The following KCNJ3 variants were observed in gnomAD, a reference collection of about 807,000 sequenced individuals.
The protein encoded by KCNJ3 is G protein-activated inward rectifier potassium channel 1.
A neutral mutation model predicts 39.2 loss-of-function variants in KCNJ3; 4 were observed. That is an observed-to-expected ratio of 0.10 (90% CI 0.05 to 0.23). KCNJ3 has a LOEUF of 0.23. KCNJ3 is among the 10% of genes least tolerant of loss of function. The pLI is 1.00. For synonymous variants in KCNJ3, 230 were observed against 237.4 expected (o/e 0.97, Z 0.29); for missense variants, 276 against 634.9 (o/e 0.43, Z 6.08).
chr2:154,744,603 A>G (rs1283417227), intron 2 of KCNJ3, among the ~76,000 whole-genome samples: 1 of 151,792 alleles, frequency 6.6e-6, no homozygotes, highest in Non-Finnish European at 1.5e-5. Flanking sequence ...TCAAACTTAT[A>G]TATGTAGAGT....
chr2:154,818,918 C>CTTTTTTTTTTTTTTTTTTTTTTT (rs57668487), intron 2 of KCNJ3, among the ~76,000 whole-genome samples: 8 of 52,436 alleles, frequency 1.5e-4, no homozygotes, highest in East Asian at 8.2e-4. Flanking sequence ...CTGCAAAAGC[C>CTTTTTTTTTTTTTTTTTTTTTTT]TTTTTTTTTT....
intron 2 of KCNJ3, among the ~76,000 whole-genome samples, chr2:154,771,955 T>C (rs1686250135): frequency 6.6e-6 from 1 of 152,196 alleles, no homozygotes; most frequent in Non-Finnish European, 1.5e-5. Flanking sequence ...AGTAATATGC[T>C]AGCTTGAATT....
At chr2:154,797,494 T>G (rs1457686899) in intron 2 of KCNJ3, among the ~76,000 whole-genome samples, 2 of 152,168 alleles carry the variant, frequency 1.3e-5, no homozygotes, top group Non-Finnish European at 2.9e-5. Context: ...TGGTATCTGA[T>G]GATTTTAGCC....
rs1397285332 is a variant in KCNJ3 at position 154,857,933 on chromosome 2, A to AAAACAGG, written c.*2621_*2627dup. ...AAAAAAAAAAAAAAAAAAAAGAATA[A>AAAACAGG]AAACAGGGTAACATAATGCAAAGTA... On this transcript the variant is annotated 3_prime_UTR_variant, in exon 3 of 3. Transcript: ENST00000295101. 3.1e-5 allele frequency: 4 copies of AAAACAGG among 129,740 alleles called. No homozygotes were observed. The highest frequency in any genetic ancestry group is 6.6e-5 in the Non-Finnish European group (4 of 60,680). The allele number at this position is 129,740 out of a possible 1,614,324, so 8.0% of individuals were successfully genotyped here. A position where few individuals can be genotyped will look rare whatever the true frequency, so the allele number is the denominator to read the frequency against.
At chr2:154,741,526 G>A (rs1231709825) in intron 2 of KCNJ3, among the ~76,000 whole-genome samples, 2 of 151,562 alleles carry the variant, frequency 1.3e-5, no homozygotes, top group African/African-American at 4.8e-5. Flanking sequence ...AGAATCAAAT[G>A]TTTTATTGTT....
intron 2 of KCNJ3, among the ~76,000 whole-genome samples, chr2:154,712,857 A>G (rs1251852791): frequency 6.6e-6 from 1 of 152,118 alleles, no homozygotes; most frequent in East Asian, 1.9e-4. Flanking sequence ...TTTTAGGCTA[A>G]TAGGGAAGGT....
In KCNJ3 at chr2:154,737,884, T is replaced by G. The variant is rs373565106; in HGVS notation, c.919+28065T>G. Among the ~76,000 whole-genome samples, 144 of 152,192 alleles carry G rather than the reference T, an allele frequency of 9.5e-4. 1 individual carries two copies. The South Asian group carries it at 0.029, about 31-fold the overall frequency. On this transcript the variant is annotated intron_variant, in intron 2 of 2. Transcript: ENST00000295101. ...CAAATTTTCCAAATTTAATGAAAAC[T>G]AAAACTCCATGTACATATGTATTCA... is the stretch of plus-strand genomic sequence containing the variant.
chr2:154,778,205 T>C (rs546010049), intron 2 of KCNJ3, among the ~76,000 whole-genome samples: 1 of 152,302 alleles, frequency 6.6e-6, no homozygotes, highest in African/African-American at 2.4e-5. Context: ...AAATGCTTAT[T>C]TGTAGTTTCA....
chr2:154,738,814 T>C (rs917334117), intron 2 of KCNJ3, among the ~76,000 whole-genome samples: 1 of 151,160 alleles, frequency 6.6e-6, no homozygotes. Context: ...AATTAAGCAA[T>C]TTTTTTTTCA....
chr2:154,839,997 A>G (rs1421193437), intron 2 of KCNJ3, among the ~76,000 whole-genome samples: 3 of 152,140 alleles, frequency 2.0e-5, no homozygotes, highest in African/African-American at 4.8e-5. Context: ...TGTTTTAGTC[A>G]TTAAGTTCTT....
intron 2 of KCNJ3, among the ~76,000 whole-genome samples, chr2:154,820,433 G>A (rs1276838010): frequency 6.6e-6 from 1 of 152,210 alleles, no homozygotes; most frequent in Non-Finnish European, 1.5e-5. Flanking sequence ...CAAAGGTGAT[G>A]CTGTGTACTT....
rs1687820612 is a variant in KCNJ3 at position 154,855,456 on chromosome 2, G to A, written c.*143G>A. ...TATTTGAGAACCCTTCCTTTCCCAA[G>A]TATTGCGAATGTGCAGAAAGCAACA... is the stretch of plus-strand genomic sequence containing the variant. On this transcript the variant is annotated 3_prime_UTR_variant, in exon 3 of 3. Transcript: ENST00000295101. 1.6e-6 allele frequency: 1 copy of A among 633,310 alleles called. No homozygotes were observed. Among genetic ancestry groups the A allele is most frequent in the South Asian group, 2.2e-5 (1 of 44,768 alleles). 39.2% of individuals were successfully genotyped at this position (633,310 alleles called of 1,614,324 possible).
chr2:154,792,715 C>T (rs1406866133), intron 2 of KCNJ3, among the ~76,000 whole-genome samples: 2 of 152,094 alleles, frequency 1.3e-5, no homozygotes, highest in East Asian at 1.9e-4. Context: ...TCTATGGCCT[C>T]ACAGAATGGT....
In KCNJ3 at chr2:154,850,008, CTTTTTTTTTTTTTTTTTTTTT is replaced by C. The variant is rs373062062; in HGVS notation, c.920-4703_920-4683del. 3.1e-4 allele frequency among the ~76,000 whole-genome samples: 15 copies of C among 48,860 alleles called. 2 individuals are homozygous for C. The East Asian group carries it at 7.5e-3, about 25-fold the overall frequency. 32.1% of individuals were successfully genotyped at this position (48,860 alleles called of 152,430 possible). The stretch of plus-strand genomic sequence containing the variant: ...TTGCAATGCAATGTACAGAATAAAT[CTTTTTTTTTTTTTTTTTTTTT>C]TTTTTTTTTTTTTTTACAAAATGTT... On this transcript the variant is annotated intron_variant, in intron 2 of 2. Coordinates refer to ENST00000295101, the MANE Select transcript of KCNJ3 (RefSeq NM_002239.4).
intron 2 of KCNJ3, among the ~76,000 whole-genome samples, chr2:154,781,613 C>T (rs1482356834): frequency 6.6e-6 from 1 of 152,024 alleles, no homozygotes; most frequent in East Asian, 1.9e-4. Context: ...GAAATGATGG[C>T]AGAATTTAAT....
At chr2:154,852,421 G>A (rs1687772058) in intron 2 of KCNJ3, among the ~76,000 whole-genome samples, 2 of 152,040 alleles carry the variant, frequency 1.3e-5, no homozygotes, top group Non-Finnish European at 2.9e-5. Flanking sequence ...AAAAAAGATA[G>A]ATTGTAAGGC....
rs1371020496 is a variant in KCNJ3, at chr2:154,857,547, A to G, written c.*2234A>G. The G allele has an allele frequency of 6.6e-6, 1 of 152,174 alleles. No homozygotes were observed. The highest frequency in any genetic ancestry group is 1.5e-5 in the Non-Finnish European group (1 of 68,092). 9.4% of individuals were successfully genotyped at this position (152,174 alleles called of 1,614,324 possible). Reference sequence around the variant, plus strand: ...AAGGAGAGTGGGGAGGAGACAAAAAACAAATAAGACCACTTCAGACAATCA... The same window carrying G: ...AAGGAGAGTGGGGAGGAGACAAAAAGCAAATAAGACCACTTCAGACAATCA... On this transcript the variant is annotated 3_prime_UTR_variant, in exon 3 of 3. Coordinates refer to ENST00000295101, the MANE Select transcript of KCNJ3 (RefSeq NM_002239.4).
chr2:154,749,718 G>A (rs1215857656), intron 2 of KCNJ3, among the ~76,000 whole-genome samples: 3 of 151,936 alleles, frequency 2.0e-5, no homozygotes, highest in Admixed American at 6.6e-5. Flanking sequence ...TATTACTGAG[G>A]GAGTCGTAGT....
At chr2:154,790,782 CA>C (rs1021636198) in intron 2 of KCNJ3, among the ~76,000 whole-genome samples, 89 of 152,068 alleles carry the variant, frequency 5.9e-4, no homozygotes, top group African/African-American at 2.1e-3. Flanking sequence ...ATGATCCCAG[CA>C]GAAAGACGTA....
Sources: gnomAD v4.1 joint callset for allele counts (sites outside exome capture counted in the v4.1 genomes callset) on GRCh38, gnomAD v4.1.1 for gene constraint, MANE v1.5 for transcripts, NCBI Gene and HGNC (gene_info 2026-07-23, HGNC 2026-07-21) for gene names.